The following TAF4 variants were observed in gnomAD, a reference collection of about 807,000 sequenced individuals.
TAF4 encodes the protein TATA-box binding protein associated factor 4.
In TAF4, 9 loss-of-function variants were observed where a neutral mutation model predicts 90.3. That is an observed-to-expected ratio of 0.10 (90% CI 0.06 to 0.17). The LOEUF is 0.17. Among genes scored for constraint, TAF4 ranks in the 10% least tolerant of loss-of-function variants. TAF4 has a pLI of 1.00. For synonymous variants in TAF4, 818 were observed against 638.9 expected (o/e 1.28, Z -4.23); for missense variants, 1,351 against 1,370.7 (o/e 0.99, Z 0.23).
intron 1 of TAF4, among the ~76,000 whole-genome samples, chr20:62,029,727 G>A (rs1371306371): frequency 1.3e-5 from 2 of 152,054 alleles, no homozygotes; most frequent in South Asian, 2.1e-4. Context: ...CCAACATGAC[G>A]AAACCCCGCC....
chr20:62,004,007 C>A (rs1385499420), intron 7 of TAF4, 129 bp from the exon 8 acceptor site: 3 of 1,185,998 alleles, frequency 2.5e-6, no homozygotes, highest in Non-Finnish European at 3.4e-6. Flanking sequence ...CCTAGGAAGA[C>A]CCCGTGTGCA....
chr20:62,036,409 A>G (rs2055933110), intron 1 of TAF4, among the ~76,000 whole-genome samples: 1 of 152,222 alleles, frequency 6.6e-6, no homozygotes, highest in African/African-American at 2.4e-5. Context: ...AAAGTCTGAC[A>G]ACACCCAGTG....
At chr20:62,062,840 A>G (rs372908635) in intron 1 of TAF4, among the ~76,000 whole-genome samples, 2 of 152,154 alleles carry the variant, frequency 1.3e-5, no homozygotes, top group African/African-American at 4.8e-5. Flanking sequence ...GGCCAGCCCC[A>G]CAAGACAGAG....
At chr20:62,064,213 C>A (rs1180917810) in intron 1 of TAF4, 2 of 412,666 alleles carry the variant, frequency 4.8e-6, no homozygotes, top group Non-Finnish European at 4.2e-6. Flanking sequence ...GCACAGGCAG[C>A]CAGCGCGGAC....
At chr20:61,988,037 C>T (rs923991854) in intron 14 of TAF4, among the ~76,000 whole-genome samples, 3 of 152,162 alleles carry the variant, frequency 2.0e-5, no homozygotes, top group South Asian at 2.1e-4. Context: ...CAATAAGATC[C>T]GTGGACCAGG....
At position 61,976,111 on chromosome 20, in the gene TAF4, C is replaced by A; in HGVS notation, c.*57G>T. The A allele has an allele frequency of 6.3e-7, 1 of 1,580,600 alleles. No homozygotes were observed. Among genetic ancestry groups the A allele is most frequent in the Non-Finnish European group, 8.7e-7 (1 of 1,151,916 alleles). On this transcript the variant is annotated 3_prime_UTR_variant, in exon 15 of 15. Transcript: ENST00000252996. Reference sequence around the variant, plus strand: ...TTTTTTAAACAATATCCCATTTGCTCGTTACAAAAAGGCGTAATCTGCAAA... The same window carrying A: ...TTTTTTAAACAATATCCCATTTGCTAGTTACAAAAAGGCGTAATCTGCAAA...
rs756440251 is a variant in TAF4 at position 62,006,652 on chromosome 20, G to A, written c.2081C>T (p.Thr694Met). ...GACCGAGCTACTCAGCACCACGGCC[G>A]TGAGCGCAGTGGTGGCCTGCGAGGT... is the stretch of plus-strand genomic sequence containing the variant. ...PPTSQATTAL[T>M]AVVLSSSVQR... Residue 694 changes from threonine to methionine, a missense_variant, in exon 7 of 15, where the codon ACG becomes ATG. Coordinates refer to ENST00000252996, the MANE Select transcript of TAF4 (RefSeq NM_003185.4). The surrounding 1 kb of genome is among the most constrained non-coding windows in gnomAD (Gnocchi z 7.0). The A allele has an allele frequency of 5.6e-6, 9 of 1,599,470 alleles. No homozygotes were observed. The highest frequency in any genetic ancestry group is 2.3e-5 in the East Asian group (1 of 44,142).
At chr20:62,015,672 C>T (rs2055808324) in intron 1 of TAF4, among the ~76,000 whole-genome samples, 1 of 152,186 alleles carries the variant, frequency 6.6e-6, no homozygotes, top group South Asian at 2.1e-4. Flanking sequence ...CCCAGCCTCT[C>T]CTTCCTCCCC....
intron 1 of TAF4, among the ~76,000 whole-genome samples, chr20:62,053,014 T>C (rs539609424): frequency 6.6e-6 from 1 of 152,220 alleles, no homozygotes; most frequent in East Asian, 1.9e-4. Flanking sequence ...GCTGGAACCA[T>C]GTGACCCAAG....
chr20:62,000,100 T>C (rs750958328), intron 11 of TAF4, 24 bp downstream of exon 11: 10 of 1,614,106 alleles, frequency 6.2e-6, no homozygotes, highest in Non-Finnish European at 8.5e-6. Flanking sequence ...ATAAAGACGC[T>C]CTCCTCGGCA....
chr20:62,001,110 G>A (rs1346707471), intron 9 of TAF4, among the ~76,000 whole-genome samples: 2 of 152,188 alleles, frequency 1.3e-5, no homozygotes, highest in African/African-American at 2.4e-5. Context: ...AGAAGAGTAC[G>A]CACAATTTTT....
intron 14 of TAF4, among the ~76,000 whole-genome samples, chr20:61,983,708 G>C (rs1488950635): frequency 6.6e-6 from 1 of 152,106 alleles, no homozygotes; most frequent in Non-Finnish European, 1.5e-5. Context: ...TTATGATAGA[G>C]TCAAGACAAA....
At chr20:62,057,013 G>A (rs1029946121) in intron 1 of TAF4, among the ~76,000 whole-genome samples, 8 of 152,154 alleles carry the variant, frequency 5.3e-5, no homozygotes, top group African/African-American at 7.2e-5. Context: ...AGCACCGTGC[G>A]TGGCTCCTAT....
At position 62,012,800 on chromosome 20, in the gene TAF4, C is replaced by T. The variant is rs539362587; in HGVS notation, c.1641+15G>A. The T allele has an allele frequency of 5.6e-6, 9 of 1,606,502 alleles. No individual in the cohort carries two copies. In the African/African-American group the frequency reaches 9.4e-5, roughly 17 times the overall value. On this transcript the variant is annotated intron_variant, in intron 3 of 14. Coordinates refer to ENST00000252996, the MANE Select transcript of TAF4 (RefSeq NM_003185.4). ...GCCCCTGCAGCCTCAAGAGATCCGC[C>T]GCCTGCCCTCTCACCTGGACGCCGG...
In TAF4 at chr20:62,006,404, C is replaced by T; in HGVS notation, c.2223+106G>A. 2.3e-6 allele frequency: 3 copies of T among 1,281,916 alleles called. No individual in the cohort carries two copies. Among genetic ancestry groups the T allele is most frequent in the Non-Finnish European group, 3.0e-6 (3 of 1,009,290 alleles). The allele number at this position is 1,281,916 out of a possible 1,614,324, so 79.4% of individuals were successfully genotyped here. A position where few individuals can be genotyped will look rare whatever the true frequency, so the allele number is the denominator to read the frequency against. ...CAAGCTTCCTCTAGCAGGAGGCTTC[C>T]TGCATGCTTGGAAAAGGTTTCTGAG... On this transcript the variant is annotated intron_variant, in intron 7 of 14. Coordinates refer to ENST00000252996, the MANE Select transcript of TAF4 (RefSeq NM_003185.4). This position sits in a 1 kb window ranked among gnomAD's most constrained non-coding sequence, Gnocchi z 7.0.
chr20:62,007,856 T>C (rs2123140067), intron 5 of TAF4: 1 of 470,498 alleles, frequency 2.1e-6, no homozygotes, highest in Middle Eastern at 3.1e-4. Context: ...CCACGTCTCC[T>C]CCTGGGAGGG....
chr20:62,039,476 A>G lies in TAF4; in HGVS notation c.1361-24769T>C, dbSNP rs1277727984. ...TTGAGTAAGAGCTAAAGCCATAAGCATTCTAGAAAACTCCTGTACCTTGGG... is the reference window on the plus strand; with the variant it reads ...TTGAGTAAGAGCTAAAGCCATAAGCGTTCTAGAAAACTCCTGTACCTTGGG... On this transcript the variant is annotated intron_variant, in intron 1 of 14. Transcript: ENST00000252996. Among the ~76,000 whole-genome samples the G allele has an allele frequency of 2.6e-5, 4 of 152,250 alleles. 1 individual carries two copies. The highest frequency in any genetic ancestry group is 4.4e-5 in the Non-Finnish European group (3 of 68,050).
rs550197337 is a variant in TAF4, at chr20:62,004,133, T to C, written c.2224-255A>G. 2.6e-5 allele frequency among the ~76,000 whole-genome samples: 4 copies of C among 152,224 alleles called. No homozygotes were observed. The East Asian group carries it at 7.7e-4, about 29-fold the overall frequency. On this transcript the variant is annotated intron_variant, in intron 7 of 14. Coordinates refer to ENST00000252996, the MANE Select transcript of TAF4 (RefSeq NM_003185.4). The stretch of plus-strand genomic sequence containing the variant: ...CAGAAGGGGCAAGCGGGAGCAGATC[T>C]GCTGCCTAGAAGCTGCCCCTGGGCA...
chr20:62,065,395 G>T lies in TAF4; in HGVS notation c.416C>A (p.Pro139Gln). 16 of 972,950 alleles carry T rather than the reference G, an allele frequency of 1.6e-5. No homozygotes were observed. The highest frequency in any genetic ancestry group is 1.9e-5 in the Non-Finnish European group (16 of 823,394). 60.3% of individuals were successfully genotyped at this position (972,950 alleles called of 1,614,324 possible). Residue 139 changes from proline (P) to glutamine (Q), a missense_variant, in exon 1 of 15, where the codon CCG becomes CAG. By Grantham distance (76) the Pro-to-Gln change is moderately conservative (BLOSUM62 -1). Transcript: ENST00000252996. Reference sequence around the variant, plus strand: ...GGCGACGGCGGCGGCGGCGGGCACCGGGGCGCAGGACCCCGCGCTGCCCTC... The same window carrying T: ...GGCGACGGCGGCGGCGGCGGGCACCTGGGCGCAGGACCCCGCGCTGCCCTC... ...PPEGSAGSCAPVPAAAAVAAG... is the reference protein window; with the variant it reads ...PPEGSAGSCAQVPAAAAVAAG...
Sources: allele counts gnomAD v4.1 joint callset (sites outside exome capture counted in the v4.1 genomes callset), GRCh38; gene constraint gnomAD v4.1.1; non-coding constraint Gnocchi (gnomAD v3.1); transcripts MANE v1.5; gene names NCBI Gene and HGNC (gene_info 2026-07-23, HGNC 2026-07-21).